Variants in NPRL3 observed in about 807,000 individuals in gnomAD.
The protein encoded by NPRL3 is NPR3 like, GATOR1 complex subunit.
In NPRL3, 23 loss-of-function variants were observed where a neutral mutation model predicts 57.2. The ratio of observed to expected loss-of-function variants is 0.40; its 90% CI spans 0.29 to 0.57. NPRL3 has a LOEUF of 0.57. NPRL3 is among the 20% of genes least tolerant of loss of function. NPRL3 has a pLI of 0.42. For synonymous variants in NPRL3, 333 were observed against 321.1 expected, an observed-to-expected ratio of 1.04 and a Z score of -0.39; for missense variants, 691 against 767.1, an observed-to-expected ratio of 0.90 and a Z score of 1.17.
intron 2 of NPRL3, among the ~76,000 whole-genome samples, chr16:133,349 C>T (rs568615753): frequency 2.4e-4 from 37 of 152,274 alleles, no homozygotes; most frequent in African/African-American, 8.9e-4. Flanking sequence ...CTCAGCCTCC[C>T]GAGTAGCTGG....
At chr16:123,619 G>C (rs945987277) in intron 3 of NPRL3, 2 of 461,956 alleles carry the variant, frequency 4.3e-6, no homozygotes, top group African/African-American at 4.0e-5. Context: ...AAGTTACAAG[G>C]CTATTTTATA....
Position 119,089 on chromosome 16 carries a change from C to T in NPRL3, c.318+37G>A, listed in dbSNP as rs368311608. 31 of 1,610,058 alleles carry T rather than the reference C, an allele frequency of 1.9e-5. No homozygotes were observed. In the African/African-American group the frequency reaches 2.8e-4, roughly 15 times the overall value. The stretch of plus-strand genomic sequence containing the variant: ...ACCTGCCCAAGGAGAGCCACATCTG[C>T]CCAGGGAGAGCCCCACCTGCCCAGG... On this transcript the variant is annotated intron_variant, in intron 4 of 13. Coordinates refer to ENST00000611875, the MANE Select transcript of NPRL3 (RefSeq NM_001077350.3).
At chr16:134,676 G>A (rs988268208) in intron 2 of NPRL3, among the ~76,000 whole-genome samples, 56 of 147,680 alleles carry the variant, frequency 3.8e-4, no homozygotes, top group Admixed American at 1.4e-3. Context: ...ATAACATAAA[G>A]TCACAGTAAT....
chr16:102,651 C>T (rs998181636), intron 7 of NPRL3, among the ~76,000 whole-genome samples: 2 of 152,190 alleles, frequency 1.3e-5, no homozygotes, highest in African/African-American at 4.8e-5. Context: ...TCCCAGTTGG[C>T]GGGACAGGCC....
At chr16:104,431 C>T (rs1480773928) in intron 7 of NPRL3, among the ~76,000 whole-genome samples, 1 of 152,148 alleles carries the variant, frequency 6.6e-6, no homozygotes, top group Admixed American at 6.5e-5. Flanking sequence ...GGAACAAGTT[C>T]CAGCTATGGG....
chr16:88,674 C>G, intron 13 of NPRL3, 24 bp downstream of exon 13: 1 of 1,590,964 alleles, frequency 6.3e-7, no homozygotes. Context: ...TGGCCCCAGT[C>G]CCAACGGGTC....
intron 9 of NPRL3, among the ~76,000 whole-genome samples, chr16:95,346 TATATACACACACACAC>T (rs1482300853): frequency 4.3e-5 from 2 of 46,398 alleles, no homozygotes; most frequent in South Asian, 1.2e-3. Context: ...TATATATATA[TATATACACACACACAC>T]ACACACACAC....
In NPRL3 at chr16:91,947, T is replaced by G. The variant is rs1297064038; in HGVS notation, c.1161+649A>C. On this transcript the variant is annotated intron_variant, in intron 11 of 13. Coordinates refer to ENST00000611875, the MANE Select transcript of NPRL3 (RefSeq NM_001077350.3). ...ACCTGCAGCCCACAGGGGAAGCCAC[T>G]GGCCCTGCCACAGATGCAGGTGCAC... 2.6e-5 allele frequency among the ~76,000 whole-genome samples: 4 copies of G among 152,294 alleles called. No homozygotes were observed. In the East Asian group the frequency reaches 7.7e-4, roughly 29 times the overall value.
intron 9 of NPRL3, among the ~76,000 whole-genome samples, chr16:96,178 C>T (rs1037100780): frequency 6.6e-6 from 1 of 152,212 alleles, no homozygotes; most frequent in Non-Finnish European, 1.5e-5. Context: ...GGCACACTGT[C>T]CACACAAACT....
intron 3 of NPRL3, among the ~76,000 whole-genome samples, chr16:130,277 T>C (rs981419073): frequency 6.6e-6 from 1 of 152,232 alleles, no homozygotes; most frequent in Non-Finnish European, 1.5e-5. Context: ...TGGCCTCATC[T>C]GTGCTCTGAC....
chr16:114,714 G>A (rs76520672), intron 5 of NPRL3, among the ~76,000 whole-genome samples: 392 of 152,296 alleles, frequency 2.6e-3, no homozygotes, highest in African/African-American at 8.9e-3. Flanking sequence ...GGTACTAGGT[G>A]ATGCCAACTT....
chr16:109,540 T>C (rs986807327), intron 7 of NPRL3, among the ~76,000 whole-genome samples: 2 of 152,192 alleles, frequency 1.3e-5, no homozygotes, highest in Non-Finnish European at 1.5e-5. Flanking sequence ...ATCTGTTTGA[T>C]TTAAAAACAC....
chr16:99,959 C>CAAAAA (rs11304941), intron 8 of NPRL3, among the ~76,000 whole-genome samples: 10 of 61,002 alleles, frequency 1.6e-4, no homozygotes, highest in African/African-American at 4.6e-4. Context: ...CACACCCCCG[C>CAAAAA]AAAAAAAAAA....
At chr16:135,524 G>A (rs1232697959) in intron 2 of NPRL3, among the ~76,000 whole-genome samples, 2 of 149,444 alleles carry the variant, frequency 1.3e-5, no homozygotes, top group East Asian at 2.0e-4. Flanking sequence ...CAGGAGAATC[G>A]CTTGAACCCG....
chr16:113,603 C>A (rs141116149), intron 5 of NPRL3, among the ~76,000 whole-genome samples: 1 of 152,308 alleles, frequency 6.6e-6, no homozygotes, highest in East Asian at 1.9e-4. Flanking sequence ...CTTGAGGGAG[C>A]AGATAACTGG....
In NPRL3 at chr16:86,564, T is replaced by C. The variant is rs2141894249; in HGVS notation, c.*141A>G. On this transcript the variant is annotated 3_prime_UTR_variant, in exon 14 of 14. Coordinates refer to ENST00000611875, the MANE Select transcript of NPRL3 (RefSeq NM_001077350.3). ...GACAGCGGGGCTCTGCAGGCTTCAC[T>C]GGGCCACGGCCAGCCCGCATCCACC... The C allele has an allele frequency of 2.4e-6, 2 of 831,840 alleles. No individual in the cohort carries two copies. Among genetic ancestry groups the C allele is most frequent in the Non-Finnish European group, 3.7e-6 (2 of 547,038 alleles). 51.5% of individuals were successfully genotyped at this position (831,840 alleles called of 1,614,324 possible). A position where few individuals can be genotyped will look rare whatever the true frequency, so the allele number is the denominator to read the frequency against.
At chr16:119,047 T>G (rs558138516) in intron 4 of NPRL3, 79 bp downstream of exon 4, 2 of 1,573,518 alleles carry the variant, frequency 1.3e-6, no homozygotes, top group South Asian at 2.3e-5. Flanking sequence ...GAGCCACACC[T>G]GCCCAAGGAG....
chr16:99,370 G>T (rs1278378448), intron 8 of NPRL3, among the ~76,000 whole-genome samples: 1 of 152,176 alleles, frequency 6.6e-6, no homozygotes, highest in Non-Finnish European at 1.5e-5. Context: ...AATTGCCAGG[G>T]CATGGTGGCT....
chr16:116,173 G>A (rs1275619556), intron 5 of NPRL3, among the ~76,000 whole-genome samples: 1 of 150,688 alleles, frequency 6.6e-6, no homozygotes, highest in African/African-American at 2.4e-5. Context: ...ACAGCATCCT[G>A]CAAACACTGT....
Sources: allele counts gnomAD v4.1 joint callset (sites outside exome capture counted in the v4.1 genomes callset), GRCh38; gene constraint gnomAD v4.1.1; transcripts MANE v1.5; gene names NCBI Gene and HGNC (gene_info 2026-07-23, HGNC 2026-07-21).